The following XYLT1 variants were observed in gnomAD, a reference collection of about 807,000 sequenced individuals.
XYLT1 encodes the protein xylosyltransferase 1.
XYLT1 carries 36 observed loss-of-function variants against 91.3 expected under a neutral mutation model. The observed-to-expected ratio is 0.39, with a 90% CI of 0.30 to 0.52. The LOEUF (loss-of-function observed/expected upper bound fraction) is 0.52, where lower values mean the gene tolerates loss of function less well. XYLT1 is among the 20% of genes least tolerant of loss of function. The probability of loss-of-function intolerance (pLI) is 0.68; values close to 1 mark genes in which losing one functional copy is unlikely to be tolerated. For synonymous variants in XYLT1, 588 were observed against 532.0 expected, an observed-to-expected ratio of 1.11 and a Z score of -1.45; for missense variants, 1,242 against 1,284.5, an observed-to-expected ratio of 0.97 and a Z score of 0.51.
chr16:17,221,029 CCAGA>C (rs2032957673), intron 3 of XYLT1, among the ~76,000 whole-genome samples: 1 of 152,124 alleles, frequency 6.6e-6, no homozygotes, highest in Non-Finnish European at 1.5e-5. Flanking sequence ...AGTGAGTGAT[CCAGA>C]CACTCCTTGG....
chr16:17,325,390 G>A (rs2034784989), intron 2 of XYLT1, among the ~76,000 whole-genome samples: 2 of 152,180 alleles, frequency 1.3e-5, no homozygotes, highest in Non-Finnish European at 2.9e-5. Flanking sequence ...GACAGAGCGA[G>A]ACTCTGTCTC....
At chr16:17,456,909 A>G (rs2036751408) in intron 1 of XYLT1, among the ~76,000 whole-genome samples, 1 of 152,210 alleles carries the variant, frequency 6.6e-6, no homozygotes, top group Non-Finnish European at 1.5e-5. Flanking sequence ...GCTGCTCAGT[A>G]CAGCACAGTG....
intron 5 of XYLT1, among the ~76,000 whole-genome samples, chr16:17,184,300 A>G (rs72777738): frequency 0.17 from 25,074 of 150,974 alleles, 2,300 homozygotes; most frequent in African/African-American, 0.23. Flanking sequence ...TGCCAAGAGG[A>G]AGGAGAATTG....
At chr16:17,226,826 G>A (rs1567331652) in intron 3 of XYLT1, among the ~76,000 whole-genome samples, 6 of 150,952 alleles carry the variant, frequency 4.0e-5, no homozygotes. Flanking sequence ...AATGTCCCTG[G>A]AAAAAAAAAT....
chr16:17,169,447 T>C (rs2031773284), intron 5 of XYLT1, among the ~76,000 whole-genome samples: 1 of 152,200 alleles, frequency 6.6e-6, no homozygotes, highest in Non-Finnish European at 1.5e-5. Flanking sequence ...AGGACATTTG[T>C]AAGAAACACA....
chr16:17,291,907 C>T (rs1463964422), intron 2 of XYLT1, among the ~76,000 whole-genome samples: 11 of 151,950 alleles, frequency 7.2e-5, no homozygotes, highest in African/African-American at 2.7e-4. Flanking sequence ...GATAGGATGG[C>T]CAGGCACGGT....
chr16:17,259,529 A>T, intron 2 of XYLT1, 31 bp from the exon 3 acceptor site: 1 of 1,592,508 alleles, frequency 6.3e-7, no homozygotes, highest in Non-Finnish European at 8.5e-7. Flanking sequence ...ACAGAAGAGA[A>T]ACTTGACTGA....
Position 17,102,954 on chromosome 16 carries a change from T to TA in XYLT1, c.*5740_*5741insT, listed in dbSNP as rs1966726319. 6.6e-6 allele frequency: 1 copy of TA among 151,756 alleles called. No individual in the cohort carries two copies. Among genetic ancestry groups the TA allele is most frequent in the Non-Finnish European group, 1.5e-5 (1 of 67,842 alleles). The allele number at this position is 151,756 out of a possible 1,614,324, so 9.4% of individuals were successfully genotyped here. On this transcript the variant is annotated 3_prime_UTR_variant, in exon 12 of 12. Coordinates refer to ENST00000261381, the MANE Select transcript of XYLT1 (RefSeq NM_022166.4). The stretch of plus-strand genomic sequence containing the variant: ...ACAAATGCTATTGACAACATAATAT[T>TA]TAAAAAAAAAAAAGGCAAAAGGACT...
chr16:17,249,047 C>T (rs533718930), intron 3 of XYLT1, among the ~76,000 whole-genome samples: 1 of 152,040 alleles, frequency 6.6e-6, no homozygotes, highest in Non-Finnish European at 1.5e-5. Flanking sequence ...TGATCGTTTA[C>T]CCCTGTGTTT....
intron 1 of XYLT1, among the ~76,000 whole-genome samples, chr16:17,360,908 G>A (rs992623408): frequency 7.2e-5 from 11 of 152,128 alleles, no homozygotes; most frequent in African/African-American, 1.9e-4. Flanking sequence ...TCTTAATGCC[G>A]GTACCAGTAA....
intron 2 of XYLT1, among the ~76,000 whole-genome samples, chr16:17,264,505 C>G (rs1164111738): frequency 1.3e-5 from 2 of 152,206 alleles, no homozygotes; most frequent in Non-Finnish European, 2.9e-5. Context: ...TCATGTTCCC[C>G]CTAACTCTTC....
chr16:17,444,739 T>A (rs879270590), intron 1 of XYLT1, among the ~76,000 whole-genome samples: 1 of 152,176 alleles, frequency 6.6e-6, no homozygotes, highest in Non-Finnish European at 1.5e-5. Flanking sequence ...AAGGAATGAA[T>A]GGATGAAGGA....
At chr16:17,424,328 G>T (rs978635746) in intron 1 of XYLT1, among the ~76,000 whole-genome samples, 7 of 152,188 alleles carry the variant, frequency 4.6e-5, no homozygotes, top group African/African-American at 1.7e-4. Context: ...AGGCCAAGTA[G>T]GCTACAAATG....
At chr16:17,444,563 T>G (rs530526237) in intron 1 of XYLT1, among the ~76,000 whole-genome samples, 5 of 151,570 alleles carry the variant, frequency 3.3e-5, no homozygotes, top group African/African-American at 1.2e-4. Flanking sequence ...CCCAGGCTGG[T>G]CTGGAATTCC....
intron 7 of XYLT1, among the ~76,000 whole-genome samples, chr16:17,140,010 G>C (rs1192319300): frequency 6.6e-6 from 1 of 152,150 alleles, no homozygotes; most frequent in African/African-American, 2.4e-5. Flanking sequence ...CCGTTCATGA[G>C]AAATGCCATA....
chr16:17,268,732 G>C (rs2033843367), intron 2 of XYLT1, among the ~76,000 whole-genome samples: 2 of 150,938 alleles, frequency 1.3e-5, no homozygotes, highest in Admixed American at 1.3e-4. Context: ...GAGTACAGTG[G>C]TGCAATCTCG....
At chr16:17,357,148 G>C (rs1429202992) in intron 2 of XYLT1, among the ~76,000 whole-genome samples, 1 of 126,278 alleles carries the variant, frequency 7.9e-6, no homozygotes, top group Non-Finnish European at 1.6e-5. Flanking sequence ...CTGCACTCCA[G>C]CCTGGGCAAC....
At chr16:17,274,678 A>G (rs1313626831) in intron 2 of XYLT1, among the ~76,000 whole-genome samples, 1 of 152,164 alleles carries the variant, frequency 6.6e-6, no homozygotes, top group African/African-American at 2.4e-5. Flanking sequence ...TCACAGAGAA[A>G]GCAGTTTTCC....
intron 1 of XYLT1, among the ~76,000 whole-genome samples, chr16:17,359,963 G>A (rs2141864534): frequency 6.6e-6 from 1 of 152,314 alleles, no homozygotes; most frequent in East Asian, 1.9e-4. Context: ...CTCCTGGTCT[G>A]TGGGTGGCAG....
Sources: allele counts gnomAD v4.1 joint callset (sites outside exome capture counted in the v4.1 genomes callset), GRCh38; gene constraint gnomAD v4.1.1; transcripts MANE v1.5; gene names NCBI Gene and HGNC (gene_info 2026-07-23, HGNC 2026-07-21).